Variants in PDHX observed in about 807,000 individuals in gnomAD.
PDHX encodes the protein pyruvate dehydrogenase protein X component, mitochondrial.
In PDHX, 33 loss-of-function variants were observed where a neutral mutation model predicts 55.3. The ratio of observed to expected loss-of-function variants is 0.60; its 90% confidence interval spans 0.45 to 0.80. PDHX has a LOEUF of 0.80. Among genes scored for constraint, PDHX ranks in the 30% least tolerant of loss-of-function variants. The pLI, the probability that PDHX is intolerant of heterozygous loss-of-function variation, is 0.00. For synonymous variants in PDHX, 226 were observed against 219.4 expected, an observed-to-expected ratio of 1.03 and a Z score of -0.27; for missense variants, 622 against 619.9, an observed-to-expected ratio of 1.00 and a Z score of -0.04.
intron 6 of PDHX, among the ~76,000 whole-genome samples, chr11:34,967,151 C>G (rs969813163): frequency 6.6e-6 from 1 of 152,072 alleles, no homozygotes; most frequent in Non-Finnish European, 1.5e-5. Context: ...CGCACCTGGC[C>G]TAGATTTTTA....
At chr11:34,972,165 C>G (rs1855270835) in intron 7 of PDHX, among the ~76,000 whole-genome samples, 2 of 151,658 alleles carry the variant, frequency 1.3e-5, no homozygotes, top group Admixed American at 1.3e-4. Context: ...CTTCAAAGAA[C>G]CAGCATTTGG....
chr11:34,931,734 A>G (rs1201207794), intron 2 of PDHX, among the ~76,000 whole-genome samples: 1 of 151,640 alleles, frequency 6.6e-6, no homozygotes, highest in Non-Finnish European at 1.5e-5. Flanking sequence ...TTTTTCCCCA[A>G]CTTTTAGTCC....
intron 4 of PDHX, among the ~76,000 whole-genome samples, chr11:34,958,186 A>C (rs1854946291): frequency 6.6e-6 from 1 of 152,156 alleles, no homozygotes; most frequent in African/African-American, 2.4e-5. Context: ...ATTATACAAC[A>C]TTACTTTTTC....
In PDHX at chr11:34,995,258, A is replaced by AT. The variant is rs139648571; in HGVS notation, c.*89dup. Reference sequence around the variant, plus strand: ...ATATGTTATAGGAAAACAACTTGGTATTTAAGTATGAAGTGGATGAAATGT... The same window carrying AT: ...ATATGTTATAGGAAAACAACTTGGTATTTTAAGTATGAAGTGGATGAAATGT... On this transcript the variant is annotated 3_prime_UTR_variant, in exon 11 of 11. Coordinates refer to ENST00000227868, the MANE Select transcript of PDHX (RefSeq NM_003477.3). 5.5e-4 allele frequency: 781 copies of AT among 1,416,894 alleles called. 4 individuals are homozygous for AT. In the African/African-American group the frequency reaches 8.7e-3, roughly 16 times the overall value. 87.8% of individuals were successfully genotyped at this position (1,416,894 alleles called of 1,614,324 possible). A position where few individuals can be genotyped will look rare whatever the true frequency, so the allele number is the denominator to read the frequency against.
intron 3 of PDHX, among the ~76,000 whole-genome samples, chr11:34,954,665 A>T (rs547727395): frequency 1.3e-5 from 2 of 152,338 alleles, no homozygotes; most frequent in African/African-American, 4.8e-5. Context: ...TCCATGTTGA[A>T]TGTATTGTTT....
intron 10 of PDHX, 101 bp from the exon 11 acceptor site, chr11:34,994,813 C>T: frequency 4.6e-6 from 6 of 1,303,586 alleles, no homozygotes; most frequent in Admixed American, 1.8e-5. Context: ...TTTTTCTTGC[C>T]TTACTACACT....
At chr11:34,981,881 A>G (rs1314869038) in intron 8 of PDHX, among the ~76,000 whole-genome samples, 1 of 152,038 alleles carries the variant, frequency 6.6e-6, no homozygotes, top group African/African-American at 2.4e-5. Flanking sequence ...GTTTGAGTTC[A>G]TTGTAGATTC....
chr11:34,934,604 G>A (rs1161190654), intron 2 of PDHX, among the ~76,000 whole-genome samples: 1 of 120,772 alleles, frequency 8.3e-6, no homozygotes, highest in Non-Finnish European at 1.6e-5. Flanking sequence ...TTGAGACATG[G>A]TCTCACTCTG....
chr11:34,986,572 T>A (rs1214735350), intron 9 of PDHX, among the ~76,000 whole-genome samples: 7 of 152,190 alleles, frequency 4.6e-5, no homozygotes, highest in Non-Finnish European at 2.9e-5. Flanking sequence ...CATTAAATTT[T>A]AAAAATTAAC....
intron 2 of PDHX, among the ~76,000 whole-genome samples, chr11:34,936,948 C>T (rs771004043): frequency 1.1e-4 from 17 of 151,718 alleles, no homozygotes; most frequent in Non-Finnish European, 2.2e-4. Flanking sequence ...ACCACCATGC[C>T]CAGCTAATTT....
chr11:34,963,615 T>G (rs1855066876), intron 5 of PDHX, among the ~76,000 whole-genome samples: 2 of 152,158 alleles, frequency 1.3e-5, no homozygotes, highest in African/African-American at 4.8e-5. Flanking sequence ...ACATGCTCCA[T>G]ACCATGTCCA....
chr11:34,918,947 G>A (rs971370124), intron 1 of PDHX, among the ~76,000 whole-genome samples: 11 of 152,182 alleles, frequency 7.2e-5, no homozygotes, highest in Non-Finnish European at 1.6e-4. Flanking sequence ...AAGGACCCTT[G>A]TGATTACATT....
chr11:34,966,809 G>A lies in PDHX; in HGVS notation c.811G>A (p.Ala271Thr). 6.2e-7 allele frequency: 1 copy of A among 1,612,824 alleles called. No homozygotes were observed. Residue 271 changes from alanine (A) to threonine (T), a missense_variant, in exon 6 of 11, where the codon GCA (alanine) becomes ACA (threonine). Transcript: ENST00000227868. The stretch of plus-strand genomic sequence containing the variant: ...AGTATCAACTCCTGGACAACCCAAT[G>A]CAGTGGTAGTGTTCTCTAAGTGGAT... ...PPVSTPGQPN[A>T]VGTFTEIPAS...
At chr11:34,992,812 C>G (rs2134006521) in intron 10 of PDHX, among the ~76,000 whole-genome samples, 1 of 152,218 alleles carries the variant, frequency 6.6e-6, no homozygotes, top group South Asian at 2.1e-4. Flanking sequence ...AATTATGGTG[C>G]TATGAACATT....
chr11:34,979,196 A>G (rs79512062), intron 8 of PDHX, among the ~76,000 whole-genome samples: 113 of 152,296 alleles, frequency 7.4e-4, no homozygotes, highest in African/African-American at 2.6e-3. Context: ...ATGTACTAAG[A>G]TTGGGAAAAC....
chr11:34,922,865 TGTGTG>T (rs1260307843), intron 1 of PDHX, among the ~76,000 whole-genome samples: 2 of 18,550 alleles, frequency 1.1e-4, no homozygotes, highest in African/African-American at 8.1e-4. Flanking sequence ...AAAGTATCGT[TGTGTG>T]TGTGTGTGTG....
intron 6 of PDHX, among the ~76,000 whole-genome samples, chr11:34,967,710 AAAAT>A (rs1159412691): frequency 6.6e-6 from 1 of 152,224 alleles, no homozygotes; most frequent in African/African-American, 2.4e-5. Context: ...GGCACTTAAA[AAAAT>A]AAATAGATAA....
At chr11:34,933,667 G>T (rs548929693) in intron 2 of PDHX, among the ~76,000 whole-genome samples, 119 of 152,242 alleles carry the variant, frequency 7.8e-4, no homozygotes, top group Non-Finnish European at 1.4e-3. Flanking sequence ...CTAAATATCA[G>T]TTCCCACTAA....
chr11:34,918,483 T>C (rs1361297172), intron 1 of PDHX, among the ~76,000 whole-genome samples: 4 of 151,918 alleles, frequency 2.6e-5, no homozygotes, highest in Non-Finnish European at 4.4e-5. Context: ...TTAATGCCTT[T>C]AGAAACTCAG....
Sources: gnomAD v4.1 joint callset for allele counts (sites outside exome capture counted in the v4.1 genomes callset) on GRCh38, gnomAD v4.1.1 for gene constraint, MANE v1.5 for transcripts, NCBI Gene and HGNC (gene_info 2026-07-23, HGNC 2026-07-21) for gene names.